The following LIPC variants were observed in gnomAD, a reference collection of about 807,000 sequenced individuals.
LIPC encodes lipase C, hepatic type.
In LIPC, 44 loss-of-function variants were observed where a neutral mutation model predicts 50.7. That is an observed-to-expected ratio of 0.87 (90% CI 0.68 to 1.11). LIPC has a LOEUF of 1.11. LIPC is among the 50% of genes most tolerant of loss of function. The probability of loss-of-function intolerance (pLI) is 0.00; values close to 1 mark genes in which losing one functional copy is unlikely to be tolerated. For missense variants in LIPC, 697 were observed against 648.2 expected, an observed-to-expected ratio of 1.08 and a Z score of -0.82; for synonymous variants, 271 against 256.4, an observed-to-expected ratio of 1.06 and a Z score of -0.54.
At chr15:58,567,306 C>CGT (rs1894410980) in intron 8 of LIPC, among the ~76,000 whole-genome samples, 42 of 107,398 alleles carry the variant, frequency 3.9e-4, no homozygotes, top group Admixed American at 5.9e-4. Context: ...TATATATATA[C>CGT]ATATATATGT....
At chr15:58,475,330 C>T (rs1431696264) in intron 1 of LIPC, among the ~76,000 whole-genome samples, 2 of 152,208 alleles carry the variant, frequency 1.3e-5, no homozygotes, top group Non-Finnish European at 2.9e-5. Context: ...CTTCCCTGCT[C>T]AAGATCTGTC....
At chr15:58,500,310 G>C (rs1211563998) in intron 1 of LIPC, among the ~76,000 whole-genome samples, 2 of 152,180 alleles carry the variant, frequency 1.3e-5, no homozygotes, top group Non-Finnish European at 2.9e-5. Flanking sequence ...AGATGATTTT[G>C]TGAGATGTAA....
rs141741418 is a variant in LIPC, at chr15:58,459,536, G to A, written c.88+27416G>A. On this transcript the variant is annotated intron_variant, in intron 1 of 8. Transcript: ENST00000299022. The stretch of plus-strand genomic sequence containing the variant: ...GCAGTTTCTGGAGGAAGTCCCACCC[G>A]CTCCTGAAAACAGAAAAAATAAACG... Among the ~76,000 whole-genome samples, 11 of 152,088 alleles carry A rather than the reference G, an allele frequency of 7.2e-5. No individual in the cohort carries two copies. The East Asian group carries it at 1.5e-3, about 21-fold the overall frequency.
chr15:58,560,141 T>C (rs1317756208), intron 6 of LIPC, among the ~76,000 whole-genome samples: 1 of 152,234 alleles, frequency 6.6e-6, no homozygotes, highest in African/African-American at 2.4e-5. Context: ...TGTCTAATAG[T>C]AAGCCATTTG....
At chr15:58,471,439 C>T (rs1387391357) in intron 1 of LIPC, among the ~76,000 whole-genome samples, 2 of 151,960 alleles carry the variant, frequency 1.3e-5, no homozygotes, top group Admixed American at 1.3e-4. Context: ...TGAGCCATCA[C>T]ACCCAGCTGA....
chr15:58,559,730 A>G (rs1248047396), intron 6 of LIPC, among the ~76,000 whole-genome samples: 1 of 151,280 alleles, frequency 6.6e-6, no homozygotes, highest in African/African-American at 2.4e-5. Context: ...AAAAAACCCA[A>G]AACAAAAACA....
chr15:58,515,525 T>TACACACAC lies in LIPC; in HGVS notation c.89-22806_89-22799dup, dbSNP rs75583887. On this transcript the variant is annotated intron_variant, in intron 1 of 8. Transcript: ENST00000299022. ...GTGATATAAAAGAGGTCTTTGCATA[T>TACACACAC]ACACACACATATATATATATATATA... 2.7e-4 allele frequency among the ~76,000 whole-genome samples: 39 copies of TACACACAC among 142,018 alleles called. 2 individuals carry two copies. Among genetic ancestry groups the TACACACAC allele is most frequent in the African/African-American group, 9.0e-4 (34 of 37,712 alleles). The allele number at this position is 142,018 out of a possible 152,430, so 93.2% of individuals were successfully genotyped here. A position where few individuals can be genotyped will look rare whatever the true frequency, so the allele number is the denominator to read the frequency against.
intron 6 of LIPC, among the ~76,000 whole-genome samples, chr15:58,555,143 A>C (rs566554452): frequency 6.6e-6 from 1 of 152,372 alleles, no homozygotes; most frequent in East Asian, 1.9e-4. Context: ...CCTGGGTTTT[A>C]CACAAGCACT....
chr15:58,447,011 G>A (rs1397299913), intron 1 of LIPC, among the ~76,000 whole-genome samples: 1 of 151,818 alleles, frequency 6.6e-6, no homozygotes, highest in Non-Finnish European at 1.5e-5. Context: ...AGCCAGGTGT[G>A]GTGGTACGTG....
chr15:58,442,521 C>T (rs1399849667), intron 1 of LIPC, among the ~76,000 whole-genome samples: 1 of 152,198 alleles, frequency 6.6e-6, no homozygotes, highest in South Asian at 2.1e-4. Context: ...GTATTTGATG[C>T]TGTTTGGAAG....
intron 1 of LIPC, among the ~76,000 whole-genome samples, chr15:58,501,886 G>A (rs763213951): frequency 6.8e-4 from 103 of 152,158 alleles, no homozygotes; most frequent in Non-Finnish European, 1.3e-3. Context: ...CACCCTGAAG[G>A]AGGTAGGAAA....
intron 1 of LIPC, among the ~76,000 whole-genome samples, chr15:58,433,939 T>C (rs947496234): frequency 6.6e-6 from 1 of 152,220 alleles, no homozygotes; most frequent in Non-Finnish European, 1.5e-5. Context: ...TGGTATGATG[T>C]CTTTCTGGGG....
intron 1 of LIPC, chr15:58,436,440 C>T (rs747844503): frequency 2.5e-5 from 6 of 241,986 alleles, no homozygotes; most frequent in South Asian, 1.9e-4. Context: ...TGGACTCATA[C>T]GAAAAATATT....
chr15:58,460,509 C>T (rs1894305627), intron 1 of LIPC, among the ~76,000 whole-genome samples: 1 of 152,226 alleles, frequency 6.6e-6, no homozygotes, highest in Non-Finnish European at 1.5e-5. Flanking sequence ...CCAAGCCCTC[C>T]ACTTAGGTAA....
intron 1 of LIPC, among the ~76,000 whole-genome samples, chr15:58,473,285 G>A (rs898690650): frequency 5.3e-5 from 8 of 152,180 alleles, no homozygotes; most frequent in African/African-American, 1.9e-4. Flanking sequence ...TCAGTGATGA[G>A]CCCCAGGAAA....
intron 1 of LIPC, among the ~76,000 whole-genome samples, chr15:58,481,690 C>A (rs148938326): frequency 6.6e-6 from 1 of 152,172 alleles, no homozygotes; most frequent in East Asian, 1.9e-4. Flanking sequence ...CCCAGCTACT[C>A]GAGAGGCTGA....
intron 5 of LIPC, among the ~76,000 whole-genome samples, chr15:58,546,681 A>G (rs1893540197): frequency 6.6e-6 from 1 of 152,208 alleles, no homozygotes; most frequent in Non-Finnish European, 1.5e-5. Context: ...TCTTGCTATT[A>G]TAAAATATCA....
intron 2 of LIPC, among the ~76,000 whole-genome samples, chr15:58,541,493 C>CG (rs1269835111): frequency 8.7e-6 from 1 of 114,322 alleles, no homozygotes; most frequent in South Asian, 2.8e-4. Context: ...CGGGAGGGGG[C>CG]GGGGGGGAAC....
In LIPC at chr15:58,458,238, A is replaced by T. The variant is rs573476790; in HGVS notation, c.88+26118A>T. 5.3e-5 allele frequency among the ~76,000 whole-genome samples: 8 copies of T among 152,210 alleles called. No homozygotes were observed. In the East Asian group the frequency reaches 1.4e-3, roughly 26 times the overall value. ...CCTTGGAAGAATAAAATTTTAAATG[A>T]GGTCATCAGGAAGTGCTTCCTAAAT... On this transcript the variant is annotated intron_variant, in intron 1 of 8. Coordinates refer to ENST00000299022, the MANE Select transcript of LIPC (RefSeq NM_000236.3).
Sources: gnomAD v4.1 joint callset for allele counts (sites outside exome capture counted in the v4.1 genomes callset) on GRCh38, gnomAD v4.1.1 for gene constraint, MANE v1.5 for transcripts, NCBI Gene and HGNC (gene_info 2026-07-23, HGNC 2026-07-21) for gene names.